PARD3B: variants seen among roughly 807,000 people sequenced by gnomAD.
The protein encoded by PARD3B is partitioning defective 3 homolog B.
A neutral mutation model predicts 130.2 loss-of-function variants in PARD3B; 103 were observed. The ratio of observed to expected loss-of-function variants is 0.79; its 90% CI spans 0.67 to 0.93. The LOEUF is 0.93. PARD3B is among the 40% of genes least tolerant of loss of function. The probability of loss-of-function intolerance (pLI) is 0.00; values close to 1 mark genes in which losing one functional copy is unlikely to be tolerated. For synonymous variants in PARD3B, 583 were observed against 553.2 expected (o/e 1.05, Z -0.76); for missense variants, 1,609 against 1,499.2 (o/e 1.07, Z -1.21).
intron 2 of PARD3B, among the ~76,000 whole-genome samples, chr2:204,701,412 C>G (rs1040662067): frequency 6.6e-6 from 1 of 152,070 alleles, no homozygotes; most frequent in Non-Finnish European, 1.5e-5. Context: ...GGTTGCTTAC[C>G]TAGGTAGCTG....
At chr2:205,168,942 C>G (rs182813410) in intron 11 of PARD3B, among the ~76,000 whole-genome samples, 319 of 152,292 alleles carry the variant, frequency 2.1e-3, no homozygotes, top group African/African-American at 7.4e-3. Context: ...CTGACCTTAA[C>G]TAGCTGAACA....
chr2:205,512,212 A>G (rs1330571233), intron 21 of PARD3B, among the ~76,000 whole-genome samples: 1 of 152,188 alleles, frequency 6.6e-6, no homozygotes, highest in East Asian at 1.9e-4. Context: ...ATGTCTTTGT[A>G]TTTCATTCTG....
intron 22 of PARD3B, among the ~76,000 whole-genome samples, chr2:205,577,547 A>G (rs1319706845): frequency 1.3e-5 from 2 of 152,236 alleles, no homozygotes; most frequent in Non-Finnish European, 2.9e-5. Flanking sequence ...CATGGATTTT[A>G]TATTCAAATC....
intron 18 of PARD3B, among the ~76,000 whole-genome samples, chr2:205,377,339 A>G (rs1274388316): frequency 2.0e-5 from 3 of 152,184 alleles, no homozygotes; most frequent in Non-Finnish European, 4.4e-5. Flanking sequence ...CTGATTCTGG[A>G]AATTCTGATT....
Position 205,176,959 on chromosome 2 carries a change from T to G in PARD3B, c.1924+382T>G, listed in dbSNP as rs1233166364. Among the ~76,000 whole-genome samples the G allele has an allele frequency of 6.6e-6, 1 of 152,240 alleles. No homozygotes were observed. ...ATGTATGGATTTATAATCCATAAAA[T>G]GGTCATAGCGTGATTCACAGATGAT... On this transcript the variant is annotated intron_variant, in intron 13 of 22. Transcript: ENST00000406610. The surrounding 1 kb of genome is among the most constrained non-coding windows in gnomAD (Gnocchi z 5.3).
intron 2 of PARD3B, among the ~76,000 whole-genome samples, chr2:204,751,111 A>G (rs184368509): frequency 1.8e-4 from 28 of 152,236 alleles, no homozygotes; most frequent in Admixed American, 3.9e-4. Context: ...GAAGAGCGTC[A>G]TAATGAAAGG....
intron 20 of PARD3B, among the ~76,000 whole-genome samples, chr2:205,442,315 T>TC (rs1158239931): frequency 2.7e-5 from 4 of 146,670 alleles, no homozygotes; most frequent in Admixed American, 2.7e-4. Flanking sequence ...TTTTTTTTTT[T>TC]TGAGACGGAG....
chr2:205,324,089 T>C (rs2042853772), intron 18 of PARD3B, among the ~76,000 whole-genome samples: 2 of 150,056 alleles, frequency 1.3e-5, no homozygotes, highest in African/African-American at 4.8e-5. Flanking sequence ...ATTACACACC[T>C]TCTTTTGTCA....
At chr2:204,832,156 G>A (rs2043849233) in intron 2 of PARD3B, among the ~76,000 whole-genome samples, 1 of 152,040 alleles carries the variant, frequency 6.6e-6, no homozygotes, top group Non-Finnish European at 1.5e-5. Context: ...AACCTGGGAG[G>A]CAGAGCTTGC....
chr2:205,007,548 T>C (rs189073479), intron 3 of PARD3B, among the ~76,000 whole-genome samples: 770 of 152,304 alleles, frequency 5.1e-3, no homozygotes, highest in Non-Finnish European at 7.9e-3. Context: ...TGCCTGTTTT[T>C]ATACCACTAC....
At chr2:205,070,528 C>A (rs998129797) in intron 4 of PARD3B, among the ~76,000 whole-genome samples, 1 of 151,884 alleles carries the variant, frequency 6.6e-6, no homozygotes, top group African/African-American at 2.4e-5. Context: ...TCCTCTTGTC[C>A]CTGTAGGTTC....
intron 2 of PARD3B, among the ~76,000 whole-genome samples, chr2:204,953,340 A>G (rs1463739365): frequency 6.6e-6 from 1 of 151,916 alleles, no homozygotes; most frequent in Admixed American, 6.6e-5. Context: ...TCATAAGAAA[A>G]ATAGTAATTG....
chr2:204,692,152 C>T (rs1429518852), intron 2 of PARD3B, among the ~76,000 whole-genome samples: 1 of 152,036 alleles, frequency 6.6e-6, no homozygotes, highest in Non-Finnish European at 1.5e-5. Flanking sequence ...GGAGCTACTT[C>T]CTGAACAGGA....
chr2:205,390,489 C>T (rs1048131031), intron 18 of PARD3B, among the ~76,000 whole-genome samples: 4 of 152,100 alleles, frequency 2.6e-5, no homozygotes, highest in South Asian at 2.1e-4. Context: ...CTAATTAATT[C>T]GGTATGCTAG....
In PARD3B at chr2:205,248,601, C is replaced by CTTTTTTT. The variant is rs762295338; in HGVS notation, c.2185+2798_2185+2804dup. ...ATAAATCTCTACTTGTCTCACCATTCTTTTTTTTTTTTTTTTTTTTTTTTT... is the reference window on the plus strand; with the variant it reads ...ATAAATCTCTACTTGTCTCACCATTCTTTTTTTTTTTTTTTTTTTTTTTTTTTTTTTT... On this transcript the variant is annotated intron_variant, in intron 16 of 22. Transcript: ENST00000406610. Among the ~76,000 whole-genome samples the CTTTTTTT allele has an allele frequency of 5.1e-4, 43 of 84,670 alleles. 1 individual carries two copies. The highest frequency in any genetic ancestry group is 1.1e-3 in the African/African-American group (22 of 20,734). 55.5% of individuals were successfully genotyped at this position (84,670 alleles called of 152,430 possible). A position where few individuals can be genotyped will look rare whatever the true frequency, so the allele number is the denominator to read the frequency against.
chr2:205,076,174 G>A (rs567044972), intron 4 of PARD3B, among the ~76,000 whole-genome samples: 1 of 152,270 alleles, frequency 6.6e-6, no homozygotes, highest in East Asian at 1.9e-4. Context: ...CAGGTTTAAA[G>A]CTGTCTGGTT....
chr2:205,498,641 A>G (rs939481206), intron 20 of PARD3B, among the ~76,000 whole-genome samples: 10 of 152,234 alleles, frequency 6.6e-5, no homozygotes, highest in African/African-American at 2.2e-4. Context: ...ACCAGTGCTT[A>G]ACCAAAGTGA....
At chr2:205,057,515 GTGCA>G (rs1167114346) in intron 4 of PARD3B, among the ~76,000 whole-genome samples, 1 of 140,926 alleles carries the variant, frequency 7.1e-6, no homozygotes, top group African/African-American at 2.7e-5. Flanking sequence ...ATATGTGTAT[GTGCA>G]TGTGTATATA....
chr2:205,548,512 C>A (rs905769474), intron 21 of PARD3B, among the ~76,000 whole-genome samples: 7 of 152,114 alleles, frequency 4.6e-5, no homozygotes, highest in Non-Finnish European at 8.8e-5. Context: ...AATCCACAGT[C>A]AATCCTATTG....
Sources: gnomAD v4.1 joint callset for allele counts (sites outside exome capture counted in the v4.1 genomes callset) on GRCh38, gnomAD v4.1.1 for gene constraint, Gnocchi (gnomAD v3.1) non-coding constraint, MANE v1.5 for transcripts, NCBI Gene and HGNC (gene_info 2026-07-23, HGNC 2026-07-21) for gene names.